Variants in HLCS observed in about 807,000 individuals in gnomAD.
HLCS encodes the protein holocarboxylase synthetase.
A neutral mutation model predicts 75.0 loss-of-function variants in HLCS; 53 were observed. The ratio of observed to expected loss-of-function variants is 0.71; its 90% confidence interval spans 0.57 to 0.89. The LOEUF is 0.89. Among genes scored for constraint, HLCS ranks in the 40% least tolerant of loss-of-function variants. The pLI is 0.00. For missense variants in HLCS, 966 were observed against 1,074.0 expected (o/e 0.90, Z 1.41); for synonymous variants, 431 against 428.6 (o/e 1.01, Z -0.07).
At chr21:36,764,886 G>A in intron 8 of HLCS, 126 bp downstream of exon 8, 1 of 1,030,170 alleles carries the variant, frequency 9.7e-7, no homozygotes, top group Middle Eastern at 2.0e-4. Context: ...GCACTTTGCT[G>A]CCAGCTGTGC....
intron 5 of HLCS, among the ~76,000 whole-genome samples, chr21:36,923,119 T>C (rs2066247732): frequency 6.6e-6 from 1 of 152,204 alleles, no homozygotes; most frequent in Non-Finnish European, 1.5e-5. Flanking sequence ...GATCATGCTC[T>C]CTAACCCGGC....
At chr21:36,925,700 C>T (rs2066373483) in intron 5 of HLCS, among the ~76,000 whole-genome samples, 1 of 152,186 alleles carries the variant, frequency 6.6e-6, no homozygotes, top group African/African-American at 2.4e-5. Flanking sequence ...GGTCCTAACC[C>T]GCCAGCTGCC....
intron 5 of HLCS, among the ~76,000 whole-genome samples, chr21:36,909,499 G>T (rs2065608818): frequency 6.6e-6 from 1 of 152,194 alleles, no homozygotes; most frequent in African/African-American, 2.4e-5. Flanking sequence ...CAAATTCACA[G>T]AAGTGACTAC....
chr21:36,874,976 G>A (rs1179659802), intron 6 of HLCS, among the ~76,000 whole-genome samples: 4 of 152,202 alleles, frequency 2.6e-5, no homozygotes, highest in African/African-American at 7.2e-5. Flanking sequence ...GTAGCCAAGC[G>A]CGGGTGCTGT....
At chr21:36,926,867 C>T (rs1236027811) in intron 5 of HLCS, among the ~76,000 whole-genome samples, 7 of 151,914 alleles carry the variant, frequency 4.6e-5, no homozygotes, top group African/African-American at 1.5e-4. Flanking sequence ...CTCAGCCTCC[C>T]GAGTAGCTAG....
chr21:36,789,671 G>C (rs560590781), intron 6 of HLCS, among the ~76,000 whole-genome samples: 3 of 152,176 alleles, frequency 2.0e-5, no homozygotes, highest in Non-Finnish European at 4.4e-5. Context: ...AGAAACAAAA[G>C]ATTTCATCAC....
intron 2 of HLCS, among the ~76,000 whole-genome samples, chr21:36,959,612 G>A (rs931901061): frequency 3.3e-5 from 5 of 152,092 alleles, no homozygotes; most frequent in African/African-American, 9.7e-5. Context: ...TTTCTGGCCC[G>A]CCCATGGCTG....
chr21:36,812,447 T>C (rs780681224), intron 6 of HLCS, among the ~76,000 whole-genome samples: 6 of 152,240 alleles, frequency 3.9e-5, no homozygotes, highest in Non-Finnish European at 7.3e-5. Flanking sequence ...AGAATGAATA[T>C]GCCTAAATTA....
chr21:36,967,389 C>G (rs2068653660), upstream of HLCS, among the ~76,000 whole-genome samples: 1 of 152,140 alleles, frequency 6.6e-6, no homozygotes, highest in South Asian at 2.1e-4. Context: ...TCTAAAAAGG[C>G]TGTGCCAGGA....
At chr21:36,768,930 TC>T (rs890773083) in intron 6 of HLCS, among the ~76,000 whole-genome samples, 2 of 152,106 alleles carry the variant, frequency 1.3e-5, no homozygotes, top group African/African-American at 4.8e-5. Context: ...CCACCTGGCT[TC>T]CTAAGGCCCA....
At chr21:36,932,443 C>G (rs1354954721) in intron 4 of HLCS, among the ~76,000 whole-genome samples, 2 of 152,248 alleles carry the variant, frequency 1.3e-5, no homozygotes, top group African/African-American at 4.8e-5. Flanking sequence ...TTCCTCCCAC[C>G]CTCCTTCCCC....
intron 6 of HLCS, among the ~76,000 whole-genome samples, chr21:36,880,101 T>C (rs1453577809): frequency 6.6e-6 from 1 of 152,100 alleles, no homozygotes; most frequent in Non-Finnish European, 1.5e-5. Flanking sequence ...AGAAGTCAAA[T>C]CCCTCATTCG....
intron 6 of HLCS, among the ~76,000 whole-genome samples, chr21:36,839,801 A>G (rs545038195): frequency 6.6e-6 from 1 of 152,350 alleles, no homozygotes; most frequent in South Asian, 2.1e-4. Context: ...TCATTTTCCA[A>G]CCCAACTACA....
chr21:36,873,211 G>A (rs1183276124), intron 6 of HLCS, among the ~76,000 whole-genome samples: 4 of 151,866 alleles, frequency 2.6e-5, no homozygotes, highest in Non-Finnish European at 2.9e-5. Context: ...TCCACCTCCC[G>A]GGTTGAAGCG....
Position 36,938,813 on chromosome 21 carries a change from A to C in HLCS, c.493+19T>G. The C allele has an allele frequency of 6.2e-7, 1 of 1,613,556 alleles. No homozygotes were observed. The highest frequency in any genetic ancestry group is 8.5e-7 in the Non-Finnish European group (1 of 1,179,856). ...GCCACTATGCCTGGCCAATAAAAAC[A>C]TTTTCTAAAGTTACTTACACACAAT... On this transcript the variant is annotated intron_variant, in intron 3 of 10. Transcript: ENST00000674895.
intron 5 of HLCS, among the ~76,000 whole-genome samples, chr21:36,926,572 T>C (rs1037576795): frequency 6.6e-6 from 1 of 152,138 alleles, no homozygotes; most frequent in African/African-American, 2.4e-5. Flanking sequence ...AAATAACCAA[T>C]TTGGCTCATT....
chr21:36,895,399 G>A (rs1243258484), intron 6 of HLCS, among the ~76,000 whole-genome samples: 1 of 152,140 alleles, frequency 6.6e-6, no homozygotes, highest in Non-Finnish European at 1.5e-5. Context: ...TTTCTACTGG[G>A]AATCAATGGA....
chr21:36,869,951 G>C, intron 6 of HLCS, among the ~76,000 whole-genome samples: 1 of 152,130 alleles, frequency 6.6e-6, no homozygotes, highest in Non-Finnish European at 1.5e-5. Context: ...AGTGGGAACA[G>C]GAATATGAAC....
intron 1 of HLCS, 113 bp from the exon 2 acceptor site, chr21:36,962,283 A>G: frequency 1.5e-6 from 1 of 673,992 alleles, no homozygotes; most frequent in South Asian, 1.8e-5. Flanking sequence ...ACATGGAAAT[A>G]AGCTTATCTG....
Sources: allele counts gnomAD v4.1 joint callset (sites outside exome capture counted in the v4.1 genomes callset), GRCh38; gene constraint gnomAD v4.1.1; transcripts MANE v1.5; gene names NCBI Gene and HGNC (gene_info 2026-07-23, HGNC 2026-07-21).